Variants in PRPF8 observed in about 807,000 individuals in gnomAD.
PRPF8 encodes pre-mRNA-processing-splicing factor 8.
In PRPF8, 64 loss-of-function variants were observed where a neutral mutation model predicts 285.9. That is an observed-to-expected ratio of 0.22 (90% CI 0.18 to 0.28). PRPF8 has a LOEUF of 0.28. Among genes scored for constraint, PRPF8 ranks in the 10% least tolerant of loss-of-function variants. The probability of loss-of-function intolerance (pLI) is 1.00; values close to 1 mark genes in which losing one functional copy is unlikely to be tolerated. For synonymous variants in PRPF8, 1,325 were observed against 1,118.2 expected (o/e 1.18, Z -3.69); for missense variants, 1,426 against 3,026.7 (o/e 0.47, Z 12.41).
In PRPF8 at chr17:1,659,995, C is replaced by A; in HGVS notation, c.4792G>T (p.Asp1598Tyr). 1.9e-6 allele frequency: 3 copies of A among 1,614,110 alleles called. No individual in the cohort carries two copies. The highest frequency in any genetic ancestry group is 2.5e-6 in the Non-Finnish European group (3 of 1,179,958). The change falls in exon 31 of 43, where the codon GAC becomes TAC. Residue 1598 changes from aspartate (D) to tyrosine (Y), a missense_variant. Around this residue, in one of 34 missense-constraint regions of PRPF8, gnomAD observed 21 missense variants for 16.5 expected, o/e 1.27. Coordinates refer to ENST00000304992, the MANE Select transcript of PRPF8 (RefSeq NM_006445.4). This position sits in a 1 kb window ranked among gnomAD's most constrained non-coding sequence, Gnocchi z 5.1. ...ATTTCCAGTGCATCAAGTTCCTGGT[C>A]AAACACCTGAAGGAAAACATGGAGA... Reference protein sequence around the residue: ...SIVMDLCQVFDQELDALEIET... With the variant: ...SIVMDLCQVFYQELDALEIET...
In PRPF8 at chr17:1,680,995, C is replaced by T. The variant is rs775023296; in HGVS notation, c.926G>A (p.Arg309His). 3 of 1,612,820 alleles carry T rather than the reference C, an allele frequency of 1.9e-6. No individual in the cohort carries two copies. Among genetic ancestry groups the T allele is most frequent in the African/African-American group, 1.3e-5 (1 of 74,946 alleles). The change falls in exon 7 of 43, where the codon CGC (arginine) becomes CAC (histidine). Residue 309 changes from arginine to histidine, a missense_variant. Physicochemically the swap from Arg to His is conservative, Grantham distance 29. Coordinates refer to ENST00000304992, the MANE Select transcript of PRPF8 (RefSeq NM_006445.4). ...INKIIIRQPI[R>H]TEYKIAFPYL... is the part of the protein sequence containing the mutation. The stretch of plus-strand genomic sequence containing the variant: ...AGGAAAAGCAATCTTGTACTCAGTG[C>T]GGATAGGCTGCCGGATGATAATCTT...
In PRPF8 at chr17:1,661,443, C is replaced by T. The variant is rs1299664158; in HGVS notation, c.4203-37G>A. 2.5e-6 allele frequency: 4 copies of T among 1,613,872 alleles called. No individual in the cohort carries two copies. Among genetic ancestry groups the T allele is most frequent in the Non-Finnish European group, 3.4e-6 (4 of 1,180,032 alleles). On this transcript the variant is annotated intron_variant, in intron 26 of 42. Transcript: ENST00000304992. This position sits in a 1 kb window ranked among gnomAD's most constrained non-coding sequence, Gnocchi z 7.3. ...AGAAAGATTCAAGTCAAAACGTGAT[C>T]TCATATGAGGAGCTCAGCACTCCTT...
intron 14 of PRPF8, 120 bp downstream of exon 14, chr17:1,677,445 T>C (rs1912663290): frequency 3.4e-6 from 5 of 1,457,140 alleles, no homozygotes; most frequent in Non-Finnish European, 3.8e-6. Flanking sequence ...ATTTCAGAAC[T>C]GGACCTAAAG....
At position 1,674,660 on chromosome 17, in the gene PRPF8, T is replaced by G. The variant is rs201573889; in HGVS notation, c.3081A>C (p.Ser1027=). The G allele has an allele frequency of 1.1e-5, 18 of 1,613,358 alleles. No individual in the cohort carries two copies. Among genetic ancestry groups the G allele is most frequent in the Non-Finnish European group, 1.5e-5 (18 of 1,179,472 alleles). Residue 1027 remains serine (S), a synonymous_variant, in exon 21 of 43, where the codon TCA becomes TCC. Transcript: ENST00000304992. ...INYKDMNHTN[S]YGIIRGLQFA... is the part of the protein sequence containing the mutation. ...ACTGCAGGCCTCTGATGATCCCATA[T>G]GAATTCGTATGGTTCATGTCCTAGA...
rs151269743 is a variant in PRPF8, at chr17:1,679,683, G to C, written c.1215C>G (p.Leu405=). 1.2e-6 allele frequency: 2 copies of C among 1,614,080 alleles called. No homozygotes were observed. The highest frequency in any genetic ancestry group is 1.7e-6 in the Non-Finnish European group (2 of 1,180,052). The part of the protein sequence containing the change: ...TDNTANGIAL[L]WAPRPFNLRS... The stretch of plus-strand genomic sequence containing the variant: ...GTAGGTTGAAGGGCCGCGGGGCCCA[G>C]AGCAGGGCAATGCCATTGGCTGTAT... Residue 405 remains leucine, a synonymous_variant, in exon 9 of 43, where the codon CTC becomes CTG. Transcript: ENST00000304992. This position sits in a 1 kb window ranked among gnomAD's most constrained non-coding sequence, Gnocchi z 4.7.
At position 1,670,879 on chromosome 17, in the gene PRPF8, G is replaced by A. The variant is rs79030987; in HGVS notation, c.3774+2202C>T. ...AGGTCCATCTTTCTCACAGCTGCAA[G>A]AGTGAATCATCTAACACAGAAATTT... On this transcript the variant is annotated intron_variant, in intron 24 of 42. Coordinates refer to ENST00000304992, the MANE Select transcript of PRPF8 (RefSeq NM_006445.4). Among the ~76,000 whole-genome samples the A allele has an allele frequency of 8.6e-3, 1,308 of 151,864 alleles. 23 individuals are homozygous for A. The highest frequency in any genetic ancestry group is 0.03 in the African/African-American group (1,230 of 41,370).
rs188209586 is a variant in PRPF8, at chr17:1,653,256, G to C, written c.6369+286C>G. ...TGCCCAGCCGAGTGTTGGGATTACAGGCATGAGCCAGCACGCACACCTGGT... is the reference window on the plus strand; with the variant it reads ...TGCCCAGCCGAGTGTTGGGATTACACGCATGAGCCAGCACGCACACCTGGT... On this transcript the variant is annotated intron_variant, in intron 39 of 42. Coordinates refer to ENST00000304992, the MANE Select transcript of PRPF8 (RefSeq NM_006445.4). The surrounding 1 kb of genome is among the most constrained non-coding windows in gnomAD (Gnocchi z 4.9). The C allele has an allele frequency of 8.9e-4, 488 of 550,540 alleles. 1 individual carries two copies. The highest frequency in any genetic ancestry group is 2.0e-3 in the Admixed American group (68 of 33,968). 34.1% of individuals were successfully genotyped at this position (550,540 alleles called of 1,614,324 possible). A position where few individuals can be genotyped will look rare whatever the true frequency, so the allele number is the denominator to read the frequency against.
chr17:1,658,854 T>C lies in PRPF8; in HGVS notation c.5139-91A>G. On this transcript the variant is annotated intron_variant, in intron 32 of 42. Transcript: ENST00000304992. The surrounding 1 kb of genome is among the most constrained non-coding windows in gnomAD (Gnocchi z 4.1). ...GCCAACTCTACAGAGGAAGAAAGAC[T>C]GTTCGCCAGGCTGACAACACTCTGC... 8.8e-7 allele frequency: 1 copy of C among 1,134,114 alleles called. No homozygotes were observed. The highest frequency in any genetic ancestry group is 1.3e-5 in the South Asian group (1 of 79,698). 70.3% of individuals were successfully genotyped at this position (1,134,114 alleles called of 1,614,324 possible).
chr17:1,680,263 TGC>T (rs1912834627), intron 8 of PRPF8, among the ~76,000 whole-genome samples: 1 of 152,254 alleles, frequency 6.6e-6, no homozygotes, highest in Non-Finnish European at 1.5e-5. Flanking sequence ...GATTAGTGGT[TGC>T]GTAAGGAAGT....
chr17:1,677,446 G>A (rs1178274218), intron 14 of PRPF8, 119 bp downstream of exon 14: 4 of 1,455,358 alleles, frequency 2.7e-6, no homozygotes, highest in Non-Finnish European at 3.9e-6. Flanking sequence ...TTTCAGAACT[G>A]GACCTAAAGG....
At chr17:1,684,365 A>G in intron 2 of PRPF8, 107 bp downstream of exon 2, 1 of 1,062,650 alleles carries the variant, frequency 9.4e-7, no homozygotes, top group Non-Finnish European at 1.4e-6. Context: ...ATAACAAGGG[A>G]GCTGACACCT....
At position 1,658,204 on chromosome 17, in the gene PRPF8, A is replaced by G; in HGVS notation, c.5505+49T>C. 6.2e-7 allele frequency: 1 copy of G among 1,613,296 alleles called. No individual in the cohort carries two copies. Among genetic ancestry groups the G allele is most frequent in the Non-Finnish European group, 8.5e-7 (1 of 1,179,866 alleles). ...AAATATTACCAAGTCCACCCCAAGA[A>G]TAAGAGGCAACATGGTTCTACAGCC... On this transcript the variant is annotated intron_variant, in intron 34 of 42. Transcript: ENST00000304992. This position sits in a 1 kb window ranked among gnomAD's most constrained non-coding sequence, Gnocchi z 4.1.
intron 24 of PRPF8, among the ~76,000 whole-genome samples, chr17:1,670,318 T>C (rs1371879232): frequency 6.6e-6 from 1 of 152,238 alleles, no homozygotes; most frequent in African/African-American, 2.4e-5. Flanking sequence ...GTCTTCCAGT[T>C]GGTGGCACTA....
In PRPF8 at chr17:1,676,127, C is replaced by T; in HGVS notation, c.2553-73G>A. The T allele has an allele frequency of 6.2e-7, 1 of 1,611,760 alleles. No homozygotes were observed. On this transcript the variant is annotated intron_variant, in intron 17 of 42. Coordinates refer to ENST00000304992, the MANE Select transcript of PRPF8 (RefSeq NM_006445.4). This position sits in a 1 kb window ranked among gnomAD's most constrained non-coding sequence, Gnocchi z 6.3. ...AAACCAGGAAAGACTGGGGCTACAC[C>T]TTCTTTCTTTGGACTCTGAGGATGA...
At chr17:1,683,806 C>A (rs1338040686) in intron 2 of PRPF8, 105 bp from the exon 3 acceptor site, 2 of 1,398,662 alleles carry the variant, frequency 1.4e-6, no homozygotes, top group African/African-American at 1.4e-5. Context: ...GAGAAGCAGG[C>A]ACCAGCAGGA....
intron 24 of PRPF8, chr17:1,672,863 C>A (rs1231443072): frequency 8.2e-6 from 5 of 610,666 alleles, no homozygotes; most frequent in African/African-American, 1.9e-5. Flanking sequence ...CATCACAAGT[C>A]CACAAGAAGG....
Position 1,674,441 on chromosome 17 carries a change from C to G in PRPF8, c.3299+1G>C. 1 of 1,613,932 alleles carries G rather than the reference C, an allele frequency of 6.2e-7. No homozygotes were observed. The highest frequency in any genetic ancestry group is 8.5e-7 in the Non-Finnish European group (1 of 1,179,860). On this transcript the variant is annotated splice_donor_variant, in intron 21 of 42. Coordinates refer to ENST00000304992, the MANE Select transcript of PRPF8 (RefSeq NM_006445.4). LOFTEE classifies it high-confidence loss of function. ...GGCTAGGAATCCAGGAAAGCCCTCA[C>G]CTGAAAAAAATATGGATGCGATCAA...
At position 1,679,903 on chromosome 17, in the gene PRPF8, G is replaced by A; in HGVS notation, c.1099-104C>T. The A allele has an allele frequency of 7.3e-7, 1 of 1,365,786 alleles. No individual in the cohort carries two copies. The highest frequency in any genetic ancestry group is 2.3e-5 in the East Asian group (1 of 43,664). 84.6% of individuals were successfully genotyped at this position (1,365,786 alleles called of 1,614,324 possible). ...CAAGCACAAAGCCTGTATCTGCTAT[G>A]GAAACTGGGCTGTCTGACAAAAGCA... On this transcript the variant is annotated intron_variant, in intron 8 of 42. Transcript: ENST00000304992. The surrounding 1 kb of genome is among the most constrained non-coding windows in gnomAD (Gnocchi z 4.7).
In PRPF8 at chr17:1,682,209, C is replaced by T. The variant is rs2151132189; in HGVS notation, c.354G>A (p.Val118=). The change falls in exon 4 of 43, where the codon GTG becomes GTA. Residue 118 remains valine, a synonymous_variant. Transcript: ENST00000304992. Reference sequence around the variant, plus strand: ...AAATGGCTCCAGTGATGTGGTACAGCACAGGCACATCCCGAATCTGCTCCC... The same window carrying T: ...AAATGGCTCCAGTGATGTGGTACAGTACAGGCACATCCCGAATCTGCTCCC... The part of the protein sequence containing the change: ...MPWEQIRDVP[V]LYHITGAISF... 2 of 1,614,144 alleles carry T rather than the reference C, an allele frequency of 1.2e-6. No individual in the cohort carries two copies. The highest frequency in any genetic ancestry group is 1.7e-6 in the Non-Finnish European group (2 of 1,180,026).
Sources: allele counts gnomAD v4.1 joint callset (sites outside exome capture counted in the v4.1 genomes callset), GRCh38; gene constraint gnomAD v4.1.1; regional missense constraint gnomAD v4.1.1; non-coding constraint Gnocchi (gnomAD v3.1); transcripts MANE v1.5; gene names NCBI Gene and HGNC (gene_info 2026-07-23, HGNC 2026-07-21).